ABCA13: variants seen among roughly 807,000 people sequenced by gnomAD.
ABCA13 encodes ATP-binding cassette sub-family A member 13.
ABCA13 carries 476 observed loss-of-function variants against 478.7 expected under a neutral mutation model. The observed-to-expected ratio is 0.99, with a 90% CI of 0.92 to 1.07. The LOEUF is 1.07. ABCA13 is among the 50% of genes least tolerant of loss of function. ABCA13 has a pLI of 0.00. For synonymous variants in ABCA13, 2,252 were observed against 2,158.9 expected, an observed-to-expected ratio of 1.04 and a Z score of -1.20; for missense variants, 6,060 against 5,910.6, an observed-to-expected ratio of 1.03 and a Z score of -0.83.
intron 57 of ABCA13, among the ~76,000 whole-genome samples, chr7:48,594,286 T>G (rs1790060102): frequency 6.6e-6 from 1 of 152,176 alleles, no homozygotes; most frequent in Non-Finnish European, 1.5e-5. Flanking sequence ...TTTCCTTGAC[T>G]GGATAATTTC....
chr7:48,503,352 A>AG (rs1304295065), intron 48 of ABCA13, among the ~76,000 whole-genome samples: 1 of 152,154 alleles, frequency 6.6e-6, no homozygotes, highest in Non-Finnish European at 1.5e-5. Flanking sequence ...GGCCTCCCAA[A>AG]GGGCTGAGAT....
At chr7:48,582,452 C>T (rs1788795711) in intron 56 of ABCA13, among the ~76,000 whole-genome samples, 1 of 152,172 alleles carries the variant, frequency 6.6e-6, no homozygotes, top group Non-Finnish European at 1.5e-5. Context: ...TGTGCCTCAC[C>T]TCCAGGCTTT....
chr7:48,548,687 C>T (rs1261337042), intron 55 of ABCA13, among the ~76,000 whole-genome samples: 2 of 151,804 alleles, frequency 1.3e-5, no homozygotes, highest in Middle Eastern at 3.4e-3. Context: ...AGCTCCCTAG[C>T]GCTTCATGGG....
chr7:48,564,098 C>T (rs964387428), intron 55 of ABCA13, among the ~76,000 whole-genome samples: 2 of 151,976 alleles, frequency 1.3e-5, no homozygotes, highest in Non-Finnish European at 2.9e-5. Context: ...GGGAAAGCAT[C>T]ATGGCATGAG....
intron 15 of ABCA13, among the ~76,000 whole-genome samples, chr7:48,251,683 AATTT>A (rs1792589263): frequency 6.6e-6 from 1 of 151,610 alleles, no homozygotes; most frequent in Admixed American, 6.6e-5. Context: ...TTATTTTATT[AATTT>A]ATTTTTTATC....
intron 41 of ABCA13, among the ~76,000 whole-genome samples, chr7:48,418,867 G>T (rs1358788774): frequency 6.6e-6 from 1 of 152,070 alleles, no homozygotes; most frequent in Non-Finnish European, 1.5e-5. Context: ...TTATGTATTA[G>T]TCCATTCTCA....
intron 55 of ABCA13, among the ~76,000 whole-genome samples, chr7:48,576,377 A>G (rs7793005): frequency 0.095 from 14,422 of 152,154 alleles, 1,168 homozygotes; most frequent in African/African-American, 0.22. Flanking sequence ...CTCCTCACTG[A>G]TGAGTATTAC....
chr7:48,358,278 C>T (rs1471136334), intron 31 of ABCA13, among the ~76,000 whole-genome samples: 2 of 135,532 alleles, frequency 1.5e-5, no homozygotes, highest in Non-Finnish European at 3.1e-5. Flanking sequence ...ACAATGCCTG[C>T]CTGGCATGTT....
rs765169590 is a variant in ABCA13 at position 48,403,842 on chromosome 7, G to GCATA, written c.12034_12037dup (p.Ser4013ThrfsTer2). The GCATA allele has an allele frequency of 1.2e-6, 2 of 1,613,494 alleles. No individual in the cohort carries two copies. Among genetic ancestry groups the GCATA allele is most frequent in the South Asian group, 2.2e-5 (2 of 91,014 alleles). ...CCAGTGGGGTGGACCCTTGCTCCCG[G>GCATA]CATAGCCTGTGGGACATTCTGCTCA... On this transcript the variant is annotated frameshift_variant, in exon 39 of 62. Coordinates refer to ENST00000435803, the MANE Select transcript of ABCA13 (RefSeq NM_152701.5). LOFTEE classifies it high-confidence loss of function.
intron 29 of ABCA13, among the ~76,000 whole-genome samples, chr7:48,346,629 C>T (rs1808149259): frequency 6.6e-6 from 1 of 152,156 alleles, no homozygotes; most frequent in Admixed American, 6.5e-5. Flanking sequence ...TCGCTCTCTC[C>T]TTATAGCTGT....
chr7:48,478,534 G>A (rs1828399018), intron 45 of ABCA13, among the ~76,000 whole-genome samples: 1 of 152,050 alleles, frequency 6.6e-6, no homozygotes, highest in Non-Finnish European at 1.5e-5. Context: ...ATGAAGTTCA[G>A]AAGTTTATAT....
chr7:48,330,485 G>GTCCATCCA (rs374882823), intron 27 of ABCA13, among the ~76,000 whole-genome samples: 28,256 of 134,652 alleles, frequency 0.21, 2,710 homozygotes, highest in Non-Finnish European at 0.23. Flanking sequence ...CCATCCATCC[G>GTCCATCCA]TCCATCCATC....
rs78654598 is a variant in ABCA13, at chr7:48,230,933, T to G, written c.763+978T>G. On this transcript the variant is annotated intron_variant, in intron 7 of 61. Transcript: ENST00000435803. Reference sequence around the variant, plus strand: ...TCCCCAGAGAGTGGGAATAAAAAGCTGAATAAGACATAGTTCTTTAATGAG... The same window carrying G: ...TCCCCAGAGAGTGGGAATAAAAAGCGGAATAAGACATAGTTCTTTAATGAG... Among the ~76,000 whole-genome samples, 746 of 152,210 alleles carry G rather than the reference T, an allele frequency of 4.9e-3. 2 individuals carry two copies. The highest frequency in any genetic ancestry group is 8.4e-3 in the Non-Finnish European group (573 of 68,002).
intron 45 of ABCA13, among the ~76,000 whole-genome samples, chr7:48,476,839 T>A (rs1255353965): frequency 2.6e-5 from 4 of 151,918 alleles, no homozygotes. Context: ...CATGGGGGCA[T>A]GAAGTGGGAA....
intron 15 of ABCA13, among the ~76,000 whole-genome samples, chr7:48,260,997 C>CT (rs925512978): frequency 2.6e-4 from 38 of 148,326 alleles, no homozygotes; most frequent in East Asian, 5.9e-4. Context: ...CTTAAAATGT[C>CT]TTTTTTTTTT....
rs1168422221 is a variant in ABCA13 at position 48,374,389 on chromosome 7, A to C, written c.11176A>C (p.Ile3726Leu). The part of the protein sequence containing the change: ...TTAFGQGVFF[I>L]TFLEGQETGI... ...CGCCTTTGGACAAGGGGTATTTTTT[A>C]TTACATTCCTGGAAGGACAAGAGAC... is the stretch of plus-strand genomic sequence containing the variant. Residue 3726 changes from isoleucine to leucine, a missense_variant, in exon 34 of 62, where the codon ATT becomes CTT. Ile to Leu is a conservative substitution (Grantham distance 5). Around this residue, in one of 3 missense-constraint regions of ABCA13, gnomAD observed 4,423 missense variants for 4,309.1 expected, o/e 1.03. Coordinates refer to ENST00000435803, the MANE Select transcript of ABCA13 (RefSeq NM_152701.5). 2 of 1,610,310 alleles carry C rather than the reference A, an allele frequency of 1.2e-6. No homozygotes were observed. The highest frequency in any genetic ancestry group is 2.7e-5 in the African/African-American group (2 of 74,852).
chr7:48,501,405 A>G (rs1694371211), intron 48 of ABCA13, among the ~76,000 whole-genome samples: 1 of 152,146 alleles, frequency 6.6e-6, no homozygotes, highest in Non-Finnish European at 1.5e-5. Flanking sequence ...GGCCATGAGG[A>G]TTCCCTAGAG....
chr7:48,285,810 G>A (rs967562420), intron 19 of ABCA13, among the ~76,000 whole-genome samples: 1 of 152,114 alleles, frequency 6.6e-6, no homozygotes. Context: ...ATATATAACA[G>A]CACATTATTA....
intron 58 of ABCA13, among the ~76,000 whole-genome samples, chr7:48,595,498 C>A (rs1790187243): frequency 6.6e-6 from 1 of 152,166 alleles, no homozygotes; most frequent in South Asian, 2.1e-4. Context: ...CCAAAGATCT[C>A]ACATTTTGCC....
Sources: gnomAD v4.1 joint callset for allele counts (sites outside exome capture counted in the v4.1 genomes callset) on GRCh38, gnomAD v4.1.1 for gene constraint, gnomAD v4.1.1 regional missense constraint, MANE v1.5 for transcripts, NCBI Gene and HGNC (gene_info 2026-07-23, HGNC 2026-07-21) for gene names.